The following EPHB1 variants were observed in gnomAD, a reference collection of about 807,000 sequenced individuals.
The protein encoded by EPHB1 is EPH receptor B1, also known as ephrin type-B receptor 1.
EPHB1 carries 30 observed loss-of-function variants against 94.4 expected under a neutral mutation model. That is an observed-to-expected ratio of 0.32 (90% CI 0.24 to 0.43). The LOEUF (loss-of-function observed/expected upper bound fraction) is 0.43, where lower values mean the gene tolerates loss of function less well. Ranked by LOEUF, EPHB1 falls within the 20% of genes least tolerant of loss-of-function variation. The probability of loss-of-function intolerance (pLI) is 1.00; values close to 1 mark genes in which losing one functional copy is unlikely to be tolerated. For synonymous variants in EPHB1, 522 were observed against 489.1 expected (o/e 1.07, Z -0.89); for missense variants, 1,055 against 1,308.3 (o/e 0.81, Z 2.99).
intron 3 of EPHB1, among the ~76,000 whole-genome samples, chr3:134,994,256 G>C (rs1042891602): frequency 2.6e-5 from 4 of 152,174 alleles, no homozygotes; most frequent in African/African-American, 9.7e-5. Flanking sequence ...GCGAATGAAT[G>C]AATAAATAAA....
chr3:135,215,949 G>A (rs999613830), intron 12 of EPHB1, among the ~76,000 whole-genome samples: 7 of 152,154 alleles, frequency 4.6e-5, no homozygotes, highest in African/African-American at 9.7e-5. Context: ...GTCAATTACC[G>A]TATTTCTCAA....
At chr3:134,901,661 G>A (rs2038207055) in intron 1 of EPHB1, among the ~76,000 whole-genome samples, 1 of 152,234 alleles carries the variant, frequency 6.6e-6, no homozygotes, top group Non-Finnish European at 1.5e-5. Context: ...TCATCCAGGG[G>A]AAAGGAATGG....
At chr3:135,096,880 G>A (rs531577696) in intron 3 of EPHB1, among the ~76,000 whole-genome samples, 2 of 152,056 alleles carry the variant, frequency 1.3e-5, no homozygotes, top group Non-Finnish European at 2.9e-5. Flanking sequence ...GGCGGATCAC[G>A]AGGTCGGGAG....
At chr3:134,991,531 C>T (rs1055835074) in intron 3 of EPHB1, among the ~76,000 whole-genome samples, 7 of 152,148 alleles carry the variant, frequency 4.6e-5, no homozygotes, top group East Asian at 1.9e-4. Flanking sequence ...AAAATACCCT[C>T]TCAGCATGCT....
intron 12 of EPHB1, among the ~76,000 whole-genome samples, chr3:135,223,417 A>G (rs1013417913): frequency 6.6e-6 from 1 of 152,234 alleles, no homozygotes; most frequent in Non-Finnish European, 1.5e-5. Flanking sequence ...ACATGAGTTC[A>G]GTATTTGAAA....
chr3:134,879,468 C>A (rs1454823637), intron 1 of EPHB1, among the ~76,000 whole-genome samples: 1 of 151,984 alleles, frequency 6.6e-6, no homozygotes, highest in Non-Finnish European at 1.5e-5. Context: ...GAGACCCTGT[C>A]TCTACTAAAA....
intron 1 of EPHB1, among the ~76,000 whole-genome samples, chr3:134,892,577 T>C (rs1332374912): frequency 6.6e-6 from 1 of 152,210 alleles, no homozygotes; most frequent in Admixed American, 6.5e-5. Context: ...CAAAGAGCAG[T>C]TGGTGTTTAA....
chr3:135,155,180 A>G (rs778338218), intron 6 of EPHB1, among the ~76,000 whole-genome samples: 12 of 152,214 alleles, frequency 7.9e-5, no homozygotes, highest in Non-Finnish European at 1.6e-4. Context: ...TAGAAAATCA[A>G]CAGCATAGAG....
intron 12 of EPHB1, among the ~76,000 whole-genome samples, chr3:135,210,738 A>G (rs1438051650): frequency 6.6e-6 from 1 of 152,178 alleles, no homozygotes; most frequent in Non-Finnish European, 1.5e-5. Context: ...CCAGACTCTG[A>G]GTCCAATGCT....
At chr3:135,070,998 G>A (rs1937687939) in intron 3 of EPHB1, among the ~76,000 whole-genome samples, 1 of 152,164 alleles carries the variant, frequency 6.6e-6, no homozygotes, top group Non-Finnish European at 1.5e-5. Flanking sequence ...GGGTCAGATG[G>A]GTGGTCTCTC....
Position 135,011,669 on chromosome 3 carries a change from T to G in EPHB1, c.805+59617T>G, listed in dbSNP as rs568279473. 2.6e-5 allele frequency among the ~76,000 whole-genome samples: 4 copies of G among 152,228 alleles called. No individual in the cohort carries two copies. In the East Asian group the frequency reaches 7.7e-4, roughly 29 times the overall value. On this transcript the variant is annotated intron_variant, in intron 3 of 15. Transcript: ENST00000398015. Reference sequence around the variant, plus strand: ...GACAGAAAGAACACCCTCTGAGCTATCCCACAGGTCCCCACACTTCCCTTA... The same window carrying G: ...GACAGAAAGAACACCCTCTGAGCTAGCCCACAGGTCCCCACACTTCCCTTA...
intron 1 of EPHB1, among the ~76,000 whole-genome samples, chr3:134,891,648 A>C (rs946048380): frequency 2.0e-5 from 3 of 152,214 alleles, no homozygotes; most frequent in Admixed American, 6.5e-5. Flanking sequence ...TCTATTGTCA[A>C]ACCATCCTTG....
intron 3 of EPHB1, among the ~76,000 whole-genome samples, chr3:134,990,278 ATTCT>A (rs1319711673): frequency 6.6e-6 from 1 of 152,194 alleles, no homozygotes; most frequent in African/African-American, 2.4e-5. Flanking sequence ...TGGCTGAATA[ATTCT>A]TTCTTTATCT....
chr3:135,035,702 C>G (rs775516914), intron 3 of EPHB1, among the ~76,000 whole-genome samples: 4 of 152,200 alleles, frequency 2.6e-5, no homozygotes, highest in Non-Finnish European at 5.9e-5. Context: ...GACCTACTGT[C>G]CACTGGCCTT....
intron 1 of EPHB1, among the ~76,000 whole-genome samples, chr3:134,885,624 C>G (rs1414239050): frequency 1.3e-5 from 2 of 152,178 alleles, no homozygotes; most frequent in African/African-American, 4.8e-5. Context: ...CTATAGCATC[C>G]AAGGAGTTTT....
Position 135,259,169 on chromosome 3 carries a change from A to G in EPHB1, c.*49A>G. 6.9e-7 allele frequency: 1 copy of G among 1,451,986 alleles called. No individual in the cohort carries two copies. The highest frequency in any genetic ancestry group is 9.5e-7 in the Non-Finnish European group (1 of 1,052,292). 89.9% of individuals were successfully genotyped at this position (1,451,986 alleles called of 1,614,324 possible). ...AGAGGAGGGAAAAGGACCAGGGTCA[A>G]GGGGGACCAGAGGTTGACCACTGTG... On this transcript the variant is annotated 3_prime_UTR_variant, in exon 16 of 16. Transcript: ENST00000398015.
intron 1 of EPHB1, among the ~76,000 whole-genome samples, chr3:134,924,091 G>A (rs1315573199): frequency 6.6e-6 from 1 of 152,046 alleles, no homozygotes; most frequent in East Asian, 1.9e-4. Context: ...TCCACATCAA[G>A]AAAAAAGCAC....
chr3:134,958,516 C>T lies in EPHB1; in HGVS notation c.805+6464C>T, dbSNP rs567988737. 9.5e-4 allele frequency among the ~76,000 whole-genome samples: 145 copies of T among 152,012 alleles called. 6 individuals carry two copies. The highest frequency in any genetic ancestry group is 5.9e-5 in the Non-Finnish European group (4 of 67,984). ...GCCCTCTCTGCTCTCTCAGTCCCATCAGCTATTGGCTGGTGAGAGGGAAAC... is the reference window on the plus strand; with the variant it reads ...GCCCTCTCTGCTCTCTCAGTCCCATTAGCTATTGGCTGGTGAGAGGGAAAC... On this transcript the variant is annotated intron_variant, in intron 3 of 15. Transcript: ENST00000398015.
chr3:135,157,645 T>C (rs1344278014), intron 6 of EPHB1, among the ~76,000 whole-genome samples: 1 of 152,250 alleles, frequency 6.6e-6, no homozygotes, highest in Non-Finnish European at 1.5e-5. Flanking sequence ...CAAATATTGG[T>C]TACCATTTGG....
Sources: gnomAD v4.1 joint callset for allele counts (sites outside exome capture counted in the v4.1 genomes callset) on GRCh38, gnomAD v4.1.1 for gene constraint, MANE v1.5 for transcripts, NCBI Gene and HGNC (gene_info 2026-07-23, HGNC 2026-07-21) for gene names.